Variants in ARNT2 observed in about 807,000 individuals in gnomAD.
ARNT2 encodes ARNT protein 2.
In ARNT2, 36 loss-of-function variants were observed where a neutral mutation model predicts 91.7. The ratio of observed to expected loss-of-function variants is 0.39; its 90% CI spans 0.30 to 0.52. The LOEUF (loss-of-function observed/expected upper bound fraction) is 0.52, where lower values mean the gene tolerates loss of function less well. Ranked by LOEUF, ARNT2 falls within the 20% of genes least tolerant of loss-of-function variation. The pLI is 0.72. For missense variants in ARNT2, 775 were observed against 939.3 expected (o/e 0.83, Z 2.29); for synonymous variants, 365 against 347.1 (o/e 1.05, Z -0.57).
Position 80,596,271 on chromosome 15 carries a change from A to G in ARNT2, c.*2573A>G, listed in dbSNP as rs1893373586. Reference sequence around the variant, plus strand: ...CTAGACCTGATGGGGAGGCATTATGACTAAATAGGCCCAGCCTCCTTCCCT... The same window carrying G: ...CTAGACCTGATGGGGAGGCATTATGGCTAAATAGGCCCAGCCTCCTTCCCT... On this transcript the variant is annotated 3_prime_UTR_variant, in exon 19 of 19. Transcript: ENST00000303329. 6.6e-6 allele frequency: 1 copy of G among 152,160 alleles called. No individual in the cohort carries two copies. Among genetic ancestry groups the G allele is most frequent in the African/African-American group, 2.4e-5 (1 of 41,416 alleles). The allele number at this position is 152,160 out of a possible 1,614,324, so 9.4% of individuals were successfully genotyped here.
intron 11 of ARNT2, 170 bp from the exon 12 acceptor site, chr15:80,562,918 G>A: frequency 1.4e-6 from 1 of 725,732 alleles, no homozygotes; most frequent in South Asian, 1.7e-5. Flanking sequence ...GTAGACGGAG[G>A]AGTTCCCATT....
chr15:80,443,047 A>G (rs1447763269), intron 1 of ARNT2: 3 of 984,252 alleles, frequency 3.0e-6, no homozygotes, highest in East Asian at 1.1e-4. Context: ...ATGAATCACC[A>G]GGGACCAGAC....
At chr15:80,505,864 C>T (rs959332986) in intron 5 of ARNT2, among the ~76,000 whole-genome samples, 13 of 149,490 alleles carry the variant, frequency 8.7e-5, no homozygotes, top group Non-Finnish European at 1.6e-4. Flanking sequence ...GACAGTTGTA[C>T]ATGTAAGAGC....
intron 10 of ARNT2, chr15:80,554,813 A>G (rs13380131): frequency 1.5e-4 from 59 of 393,218 alleles, no homozygotes; most frequent in African/African-American, 9.7e-4. Context: ...TTCTGAAGCT[A>G]CTGATGTAGT....
At chr15:80,522,760 C>CATATATATATATATATATAT (rs60138286) in intron 8 of ARNT2, among the ~76,000 whole-genome samples, 44 of 144,526 alleles carry the variant, frequency 3.0e-4, no homozygotes, top group African/African-American at 1.0e-3. Context: ...TGTACATACA[C>CATATATATATATATATATAT]ATATATATAT....
chr15:80,550,571 T>C lies in ARNT2; in HGVS notation c.878-628T>C, dbSNP rs950233668. On this transcript the variant is annotated intron_variant, in intron 8 of 18. Coordinates refer to ENST00000303329, the MANE Select transcript of ARNT2 (RefSeq NM_014862.4). ...AAGGACCCCAGATACCAGACCCACA[T>C]TGGACCAAACAGAAGACTGTTTTCT... Among the ~76,000 whole-genome samples the C allele has an allele frequency of 4.6e-5, 7 of 152,300 alleles. No individual in the cohort carries two copies. The South Asian group carries it at 6.2e-4, about 14-fold the overall frequency.
chr15:80,523,651 C>G (rs1049572443), intron 8 of ARNT2, among the ~76,000 whole-genome samples: 2 of 152,196 alleles, frequency 1.3e-5, no homozygotes, highest in Non-Finnish European at 2.9e-5. Context: ...CTCCAGCCCC[C>G]TGATATCACA....
intron 8 of ARNT2, among the ~76,000 whole-genome samples, chr15:80,535,733 T>TTTGG (rs145001894): frequency 6.6e-6 from 1 of 150,696 alleles, no homozygotes; most frequent in Non-Finnish European, 1.5e-5. Flanking sequence ...CACAGGTTTT[T>TTTGG]TTTTTTTTTG....
intron 5 of ARNT2, among the ~76,000 whole-genome samples, chr15:80,486,698 G>A (rs1033464090): frequency 2.0e-5 from 3 of 152,292 alleles, no homozygotes; most frequent in African/African-American, 4.8e-5. Context: ...ATCAACTTGG[G>A]TGCAATGCAG....
At chr15:80,526,583 G>A (rs913385387) in intron 8 of ARNT2, among the ~76,000 whole-genome samples, 1 of 152,256 alleles carries the variant, frequency 6.6e-6, no homozygotes, top group African/African-American at 2.4e-5. Flanking sequence ...GACCCTGGCA[G>A]CTTGACCCAG....
chr15:80,544,943 A>G lies in ARNT2; in HGVS notation c.878-6256A>G, dbSNP rs1002796444. Among the ~76,000 whole-genome samples, 15 of 152,266 alleles carry G rather than the reference A, an allele frequency of 9.9e-5. 2 individuals carry two copies. The highest frequency in any genetic ancestry group is 2.0e-4 in the Admixed American group (3 of 15,298). ...TCCAGGACCAGCAGGCGAAATCTTC[A>G]AGGAGATAGATAGACTGAGTTGTCT... On this transcript the variant is annotated intron_variant, in intron 8 of 18. Transcript: ENST00000303329.
intron 17 of ARNT2, among the ~76,000 whole-genome samples, chr15:80,583,376 G>A (rs1898834957): frequency 6.6e-6 from 1 of 152,214 alleles, no homozygotes; most frequent in African/African-American, 2.4e-5. Flanking sequence ...CCTCTGTCTA[G>A]TCTCCACTAA....
At chr15:80,512,126 T>TA (rs934253858) in intron 6 of ARNT2, among the ~76,000 whole-genome samples, 2 of 152,194 alleles carry the variant, frequency 1.3e-5, no homozygotes, top group Non-Finnish European at 2.9e-5. Context: ...TTCCCTAATT[T>TA]AAAGTAATCT....
At chr15:80,536,374 T>G (rs560170059) in intron 8 of ARNT2, among the ~76,000 whole-genome samples, 6 of 152,256 alleles carry the variant, frequency 3.9e-5, no homozygotes, top group African/African-American at 1.4e-4. Context: ...CACCCCACCC[T>G]AATCTTTTAT....
intron 12 of ARNT2, among the ~76,000 whole-genome samples, chr15:80,569,257 C>T (rs562445161): frequency 1.6e-4 from 24 of 152,302 alleles, no homozygotes; most frequent in African/African-American, 5.3e-4. Flanking sequence ...TCCTGCACCT[C>T]GCCGGCAGGA....
chr15:80,505,926 TG>T (rs1242130893), intron 5 of ARNT2, among the ~76,000 whole-genome samples: 16 of 111,428 alleles, frequency 1.4e-4, no homozygotes, highest in African/African-American at 4.6e-4. Context: ...CAACATTTGT[TG>T]TTTTTTTTTT....
intron 1 of ARNT2, among the ~76,000 whole-genome samples, chr15:80,432,647 G>A (rs1187312079): frequency 6.6e-6 from 1 of 151,970 alleles, no homozygotes; most frequent in Admixed American, 6.6e-5. Flanking sequence ...CCAACCTGTG[G>A]CTTAGGTGGT....
intron 12 of ARNT2, among the ~76,000 whole-genome samples, chr15:80,571,914 C>T (rs979191312): frequency 6.6e-6 from 1 of 152,166 alleles, no homozygotes; most frequent in Non-Finnish European, 1.5e-5. Context: ...ACTTCAGTTT[C>T]TTAACTTTAA....
At chr15:80,530,752 T>G (rs1897726950) in intron 8 of ARNT2, among the ~76,000 whole-genome samples, 1 of 152,178 alleles carries the variant, frequency 6.6e-6, no homozygotes. Context: ...TCCATTTCTT[T>G]AGGGTCACCA....
Sources: gnomAD v4.1 joint callset for allele counts (sites outside exome capture counted in the v4.1 genomes callset) on GRCh38, gnomAD v4.1.1 for gene constraint, MANE v1.5 for transcripts, NCBI Gene and HGNC (gene_info 2026-07-23, HGNC 2026-07-21) for gene names.